The following PLCH1 variants were observed in gnomAD, a reference collection of about 807,000 sequenced individuals.
PLCH1 encodes phospholipase C eta 1, also known as 1-phosphatidylinositol 4,5-bisphosphate phosphodiesterase eta-1.
A neutral mutation model predicts 126.7 loss-of-function variants in PLCH1; 60 were observed. That is an observed-to-expected ratio of 0.47 (90% confidence interval 0.38 to 0.59). The LOEUF (loss-of-function observed/expected upper bound fraction) is 0.59, where lower values mean the gene tolerates loss of function less well. Among genes scored for constraint, PLCH1 ranks in the 20% least tolerant of loss-of-function variants. The pLI, the probability that PLCH1 is intolerant of heterozygous loss-of-function variation, is 0.00. For missense variants in PLCH1, 1,723 were observed against 2,040.0 expected, an observed-to-expected ratio of 0.84 and a Z score of 2.99; for synonymous variants, 719 against 734.9, an observed-to-expected ratio of 0.98 and a Z score of 0.35.
intron 1 of PLCH1, among the ~76,000 whole-genome samples, chr3:155,715,174 A>C (rs1747413471): frequency 6.6e-6 from 1 of 152,222 alleles, no homozygotes; most frequent in African/African-American, 2.4e-5. Flanking sequence ...CTATTCTCTG[A>C]ATCCTGATAT....
At chr3:155,678,217 C>G (rs776110453) in intron 2 of PLCH1, among the ~76,000 whole-genome samples, 5 of 152,196 alleles carry the variant, frequency 3.3e-5, no homozygotes, top group Non-Finnish European at 7.3e-5. Context: ...TCACCTCTTG[C>G]TCCTGAAGCC....
In PLCH1 at chr3:155,481,709, G is replaced by T. The variant is rs1469493161; in HGVS notation, c.4317C>A (p.Phe1439Leu). ...YQGAGFVHNH[F>L]SDSDAKMFQT... ...GGAACATTTTTGCATCTGAATCTGAGAAATGATTATGCACAAAGCCAGCAC... is the reference window on the plus strand; with the variant it reads ...GGAACATTTTTGCATCTGAATCTGATAAATGATTATGCACAAAGCCAGCAC... The change falls in exon 23 of 23, where the codon TTC becomes TTA. Residue 1439 changes from phenylalanine to leucine, a missense_variant. Physicochemically the swap from Phe to Leu is conservative, Grantham distance 22. Transcript: ENST00000460012. The surrounding 1 kb of genome is among the most constrained non-coding windows in gnomAD (Gnocchi z 4.2). 6.2e-7 allele frequency: 1 copy of T among 1,614,200 alleles called. No individual in the cohort carries two copies. The highest frequency in any genetic ancestry group is 2.2e-5 in the East Asian group (1 of 44,882).
intron 2 of PLCH1, among the ~76,000 whole-genome samples, chr3:155,655,440 A>AAAAGAAG (rs552933138): frequency 4.6e-5 from 7 of 151,148 alleles, no homozygotes; most frequent in South Asian, 2.1e-4. Context: ...AGAAAAAAAA[A>AAAAGAAG]AAGAAGAAGA....
chr3:155,515,784 C>A (rs1720226894), intron 11 of PLCH1, among the ~76,000 whole-genome samples: 1 of 140,412 alleles, frequency 7.1e-6, no homozygotes, highest in Non-Finnish European at 1.5e-5. Flanking sequence ...ATTCTTCAAC[C>A]ACTTGCTAAA....
chr3:155,541,471 C>T (rs1724220082), intron 10 of PLCH1, among the ~76,000 whole-genome samples: 1 of 152,270 alleles, frequency 6.6e-6, no homozygotes, highest in South Asian at 2.1e-4. Flanking sequence ...TATCAACTGG[C>T]TTAATTTCCA....
At chr3:155,588,984 G>A (rs1731743474) in intron 4 of PLCH1, among the ~76,000 whole-genome samples, 1 of 152,128 alleles carries the variant, frequency 6.6e-6, no homozygotes, top group South Asian at 2.1e-4. Flanking sequence ...TCTTAAAGAT[G>A]TTCTTCATAA....
intron 2 of PLCH1, among the ~76,000 whole-genome samples, chr3:155,659,165 C>T (rs1741793875): frequency 6.6e-6 from 1 of 152,078 alleles, no homozygotes; most frequent in South Asian, 2.1e-4. Context: ...CTGAAGGACA[C>T]TGGGCACAGT....
At chr3:155,545,538 T>C (rs1170915289) in intron 10 of PLCH1, among the ~76,000 whole-genome samples, 4 of 151,814 alleles carry the variant, frequency 2.6e-5, no homozygotes, top group African/African-American at 7.3e-5. Context: ...ACTCATTTTA[T>C]GAGGCCAGCA....
At chr3:155,542,080 G>A (rs7636431) in intron 10 of PLCH1, among the ~76,000 whole-genome samples, 5,591 of 152,292 alleles carry the variant, frequency 0.037, 326 homozygotes, top group African/African-American at 0.13. Context: ...AGCAGGGCAA[G>A]GCATTGCCTC....
chr3:155,722,164 CT>C (rs549327326), intron 1 of PLCH1, among the ~76,000 whole-genome samples: 9 of 149,206 alleles, frequency 6.0e-5, no homozygotes, highest in East Asian at 2.0e-4. Context: ...TCGTAGATGT[CT>C]TTTTTTTTTC....
chr3:155,702,391 G>A (rs954546224), intron 2 of PLCH1, among the ~76,000 whole-genome samples: 1 of 151,984 alleles, frequency 6.6e-6, no homozygotes, highest in Non-Finnish European at 1.5e-5. Flanking sequence ...AAACAGTGAG[G>A]TGTTGGAATT....
chr3:155,663,469 C>T (rs578039268), intron 2 of PLCH1, among the ~76,000 whole-genome samples: 1 of 152,300 alleles, frequency 6.6e-6, no homozygotes, highest in East Asian at 1.9e-4. Flanking sequence ...CTCCCACTTT[C>T]CATAAGCCAG....
At chr3:155,695,825 A>C (rs1046938947) in intron 2 of PLCH1, among the ~76,000 whole-genome samples, 1 of 152,224 alleles carries the variant, frequency 6.6e-6, no homozygotes, top group African/African-American at 2.4e-5. Flanking sequence ...GATTGAAAGG[A>C]TGTGTTCGAA....
In PLCH1 at chr3:155,568,110, A is replaced by G. The variant is rs540083536; in HGVS notation, c.865+121T>C. 5.3e-6 allele frequency: 3 copies of G among 569,090 alleles called. No homozygotes were observed. The African/African-American group carries it at 5.8e-5, about 11-fold the overall frequency. 35.3% of individuals were successfully genotyped at this position (569,090 alleles called of 1,614,324 possible). A position where few individuals can be genotyped will look rare whatever the true frequency, so the allele number is the denominator to read the frequency against. On this transcript the variant is annotated intron_variant, in intron 7 of 22. Transcript: ENST00000460012. Reference sequence around the variant, plus strand: ...ATATGTGTGTTGTAGATTTTGTTTGAATTATTTATTAATATAATCCCATGG... The same window carrying G: ...ATATGTGTGTTGTAGATTTTGTTTGGATTATTTATTAATATAATCCCATGG...
In PLCH1 at chr3:155,614,521, C is replaced by G. The variant is rs144444802; in HGVS notation, c.80-18143G>C. ...ACAAATCTGGAGGCATCACATTACC[C>G]AACTTCAAACTATACTACAAGACTA... On this transcript the variant is annotated intron_variant, in intron 2 of 22. Coordinates refer to ENST00000460012, the MANE Select transcript of PLCH1 (RefSeq NM_014996.4). 4.4e-4 allele frequency among the ~76,000 whole-genome samples: 67 copies of G among 151,968 alleles called. 1 individual carries two copies. In the East Asian group the frequency reaches 0.012, roughly 28 times the overall value.
intron 1 of PLCH1, among the ~76,000 whole-genome samples, chr3:155,738,440 G>A (rs1282196588): frequency 2.0e-5 from 3 of 152,062 alleles, no homozygotes; most frequent in African/African-American, 4.8e-5. Context: ...ACAGGAGTTC[G>A]AGACCAGCCT....
At chr3:155,592,327 CAAAAAAA>C (rs11426252) in intron 4 of PLCH1, among the ~76,000 whole-genome samples, 1 of 122,798 alleles carries the variant, frequency 8.1e-6, no homozygotes, top group African/African-American at 3.1e-5. Flanking sequence ...ACTAAAAATA[CAAAAAAA>C]AAAAAAAAAA....
chr3:155,538,805 C>T lies in PLCH1; in HGVS notation c.1362+10982G>A, dbSNP rs556075753. 2.3e-3 allele frequency among the ~76,000 whole-genome samples: 347 copies of T among 152,146 alleles called. 1 individual carries two copies. Among genetic ancestry groups the T allele is most frequent in the Non-Finnish European group, 4.0e-3 (274 of 67,988 alleles). Reference sequence around the variant, plus strand: ...AAATGTCCAGGACCAGATGGATTCACGGCTTAATTCTATCAGACATGCAAA... The same window carrying T: ...AAATGTCCAGGACCAGATGGATTCATGGCTTAATTCTATCAGACATGCAAA... On this transcript the variant is annotated intron_variant, in intron 10 of 22. Coordinates refer to ENST00000460012, the MANE Select transcript of PLCH1 (RefSeq NM_014996.4).
rs538244734 is a variant in PLCH1, at chr3:155,537,963, A to G, written c.1362+11824T>C. On this transcript the variant is annotated intron_variant, in intron 10 of 22. Transcript: ENST00000460012. ...GAATATATATTCTATTAATTAGGAC[A>G]GGAAACATTCTCCAAGACAGACCAT... is the stretch of plus-strand genomic sequence containing the variant. 4.6e-5 allele frequency among the ~76,000 whole-genome samples: 7 copies of G among 152,282 alleles called. No individual in the cohort carries two copies. In the South Asian group the frequency reaches 1.5e-3, roughly 32 times the overall value.
Sources: allele counts gnomAD v4.1 joint callset (sites outside exome capture counted in the v4.1 genomes callset), GRCh38; gene constraint gnomAD v4.1.1; non-coding constraint Gnocchi (gnomAD v3.1); transcripts MANE v1.5; gene names NCBI Gene and HGNC (gene_info 2026-07-23, HGNC 2026-07-21).